Variants in SIGLEC5 observed in about 807,000 individuals in gnomAD.
The protein encoded by SIGLEC5 is sialic acid binding Ig like lectin 5.
SIGLEC5 carries 34 observed loss-of-function variants against 45.9 expected under a neutral mutation model. The observed-to-expected ratio is 0.74, with a 90% confidence interval of 0.56 to 0.99. SIGLEC5 has a LOEUF of 0.99. Ranked by LOEUF, SIGLEC5 falls within the 50% of genes least tolerant of loss-of-function variation. The pLI is 0.00. For synonymous variants in SIGLEC5, 203 were observed against 258.6 expected (o/e 0.79, Z 2.06); for missense variants, 508 against 629.6 (o/e 0.81, Z 2.07).
intron 8 of SIGLEC5, chr19:51,621,808 A>G (rs1036434111): frequency 2.0e-5 from 3 of 152,180 alleles, no homozygotes; most frequent in Non-Finnish European, 2.9e-5. Context: ...TATATTTTTT[A>G]AATACTTTCA....
In SIGLEC5 at chr19:51,629,055, A is replaced by G; in HGVS notation, c.722T>C (p.Ile241Thr). ...TTTCCTACCTATGCCGTTCCTGAAG[A>G]TGGTGATGGTCTGTGGAGCATCTGG... Reference protein sequence around the residue: ...NVSYAPQTITIFRNGIALEIL... With the variant: ...NVSYAPQTITTFRNGIALEIL... The change falls in exon 4 of 9, where the codon ATC (isoleucine) becomes ACC (threonine). Residue 241 changes from isoleucine to threonine, a missense_variant. Coordinates refer to ENST00000683636, the MANE Select transcript of SIGLEC5 (RefSeq NM_003830.4). 1.2e-6 allele frequency: 2 copies of G among 1,613,920 alleles called. No homozygotes were observed. The highest frequency in any genetic ancestry group is 2.2e-5 in the South Asian group (2 of 91,086).
At chr19:51,618,442 C>CCAAAA (rs1983146917) in intron 8 of SIGLEC5, among the ~76,000 whole-genome samples, 1 of 29,084 alleles carries the variant, frequency 3.4e-5, no homozygotes, top group Non-Finnish European at 8.3e-5. Flanking sequence ...GAGACCCTGC[C>CCAAAA]TAAAAAAAAA....
intron 8 of SIGLEC5, 31 bp downstream of exon 8, chr19:51,626,001 A>G (rs777972469): frequency 1.6e-5 from 25 of 1,580,254 alleles, no homozygotes; most frequent in African/African-American, 8.1e-5. Context: ...CCGAGTGGAC[A>G]TGCACATGAG....
In SIGLEC5 at chr19:51,627,619, G is replaced by A. The variant is rs761721995; in HGVS notation, c.1125C>T (p.Asn375=). The A allele has an allele frequency of 5.0e-6, 8 of 1,613,198 alleles. No individual in the cohort carries two copies. In the East Asian group the frequency reaches 8.9e-5, roughly 18 times the overall value. ...TGACCTTGAATGAGCCCTGGCTGCT[G>A]TTCCCCTCCAGCGGCTTCTCCTCAA... ...WRLEEKPLEG[N]SSQGSFKVNS... is the part of the protein sequence containing the mutation. The change falls in exon 6 of 9, where the codon AAC becomes AAT. Residue 375 remains asparagine (N), a synonymous_variant. Coordinates refer to ENST00000683636, the MANE Select transcript of SIGLEC5 (RefSeq NM_003830.4).
rs1474556184 is a variant in SIGLEC5 at position 51,629,343 on chromosome 19, C to T, written c.700+15G>A. 8.1e-6 allele frequency: 13 copies of T among 1,613,346 alleles called. No individual in the cohort carries two copies. The highest frequency in any genetic ancestry group is 1.0e-5 in the Non-Finnish European group (12 of 1,179,908). On this transcript the variant is annotated intron_variant, in intron 3 of 8. Transcript: ENST00000683636. ...CTGCCCTTGAGGACTCAGCTGTGTC[C>T]CCAGCACCACTCACAGGAGACATTG...
intron 6 of SIGLEC5, 57 bp from the exon 7 acceptor site, chr19:51,627,305 C>T: frequency 1.9e-6 from 3 of 1,572,368 alleles, no homozygotes; most frequent in Non-Finnish European, 2.6e-6. Context: ...TCTTGTCCTC[C>T]CACCTGCTGG....
intron 8 of SIGLEC5, 41 bp downstream of exon 8, chr19:51,625,991 C>A: frequency 6.5e-7 from 1 of 1,543,686 alleles, no homozygotes; most frequent in Non-Finnish European, 9.0e-7. Flanking sequence ...CCTGGACTTT[C>A]CGAGTGGACA....
Position 51,629,564 on chromosome 19 carries a change from C to T in SIGLEC5, c.494G>A (p.Ser165Asn), listed in dbSNP as rs554032872. Residue 165 changes from serine (S) to asparagine (N), a missense_variant, in exon 3 of 9, where the codon AGC (serine) becomes AAC (asparagine). This residue lies in a region of SIGLEC5 where 77 missense variants were observed against 200.8 expected (regional missense o/e 0.38). Transcript: ENST00000683636. ...TCCCGCTTCACAGGATCCTGGAAGGCTGCAGCTCAGCCTTGTGGGGCGGCC... is the reference window on the plus strand; with the variant it reads ...TCCCGCTTCACAGGATCCTGGAAGGTTGCAGCTCAGCCTTGTGGGGCGGCC... ...ESGRPTRLSC[S>N]LPGSCEAGPP... 6.5e-7 allele frequency: 1 copy of T among 1,543,068 alleles called. No individual in the cohort carries two copies. Among genetic ancestry groups the T allele is most frequent in the African/African-American group, 1.4e-5 (1 of 71,846 alleles).
chr19:51,629,336 C>A (rs1481905619), intron 3 of SIGLEC5, 22 bp downstream of exon 3: 1 of 1,613,216 alleles, frequency 6.2e-7, no homozygotes, highest in Admixed American at 1.7e-5. Context: ...GAGGACTCAG[C>A]TGTGTCCCCA....
intron 7 of SIGLEC5, among the ~76,000 whole-genome samples, chr19:51,626,569 A>G (rs1225009651): frequency 2.0e-5 from 3 of 152,214 alleles, no homozygotes; most frequent in Non-Finnish European, 2.9e-5. Flanking sequence ...AAAGGACCAC[A>G]TATCGCGTGA....
chr19:51,628,186 C>T, intron 4 of SIGLEC5, 95 bp from the exon 5 acceptor site: 2 of 1,358,720 alleles, frequency 1.5e-6, no homozygotes, highest in Non-Finnish European at 2.0e-6. Flanking sequence ...TGACATCTCC[C>T]TCTCCTCCCC....
intron 8 of SIGLEC5, among the ~76,000 whole-genome samples, chr19:51,620,623 G>A (rs1983251236): frequency 6.6e-6 from 1 of 152,158 alleles, no homozygotes; most frequent in African/African-American, 2.4e-5. Context: ...AGAACCAAGT[G>A]GCAGGATATT....
At chr19:51,612,485 T>C in intron 8 of SIGLEC5, 63 bp from the exon 9 acceptor site, 1 of 1,164,398 alleles carries the variant, frequency 8.6e-7, no homozygotes, top group Non-Finnish European at 1.2e-6. Context: ...GAATAATGAG[T>C]TCTTATATTT....
intron 8 of SIGLEC5, among the ~76,000 whole-genome samples, chr19:51,624,581 T>C (rs1290837238): frequency 1.3e-5 from 2 of 152,102 alleles, no homozygotes; most frequent in African/African-American, 4.8e-5. Flanking sequence ...ACTAGATCAA[T>C]TTTATAAAAG....
chr19:51,623,249 G>A (rs948966000), intron 8 of SIGLEC5, among the ~76,000 whole-genome samples: 1 of 152,066 alleles, frequency 6.6e-6, no homozygotes, highest in Non-Finnish European at 1.5e-5. Context: ...CTTAGGATGG[G>A]TGAAATTTTT....
chr19:51,624,716 C>T (rs982354026), intron 8 of SIGLEC5, among the ~76,000 whole-genome samples: 5 of 152,148 alleles, frequency 3.3e-5, no homozygotes, highest in Non-Finnish European at 7.3e-5. Flanking sequence ...CACCTGTAAT[C>T]CCAGCACTTT....
chr19:51,619,760 A>T (rs540289279), intron 8 of SIGLEC5, among the ~76,000 whole-genome samples: 292 of 152,302 alleles, frequency 1.9e-3, no homozygotes, highest in Non-Finnish European at 3.0e-3. Context: ...TATCCAGCTT[A>T]AAAATTTATC....
chr19:51,615,178 T>A (rs1282298380), intron 8 of SIGLEC5, among the ~76,000 whole-genome samples: 1 of 152,152 alleles, frequency 6.6e-6, no homozygotes, highest in Non-Finnish European at 1.5e-5. Flanking sequence ...AAAGAGTGAA[T>A]TCATACACCG....
chr19:51,615,855 C>G (rs1363362217), intron 8 of SIGLEC5, among the ~76,000 whole-genome samples: 2 of 152,226 alleles, frequency 1.3e-5, no homozygotes, highest in Admixed American at 1.3e-4. Context: ...CGGCTCACTG[C>G]AACCTCCACC....
Sources: allele counts gnomAD v4.1 joint callset (sites outside exome capture counted in the v4.1 genomes callset), GRCh38; gene constraint gnomAD v4.1.1; regional missense constraint gnomAD v4.1.1; transcripts MANE v1.5; gene names NCBI Gene and HGNC (gene_info 2026-07-23, HGNC 2026-07-21).